The following FSTL5 variants were observed in gnomAD, a reference collection of about 807,000 sequenced individuals.
The protein encoded by FSTL5 is follistatin-related protein 5.
In FSTL5, 62 loss-of-function variants were observed where a neutral mutation model predicts 89.1. That is an observed-to-expected ratio of 0.70 (90% CI 0.57 to 0.86). FSTL5 has a LOEUF of 0.86. FSTL5 is among the 40% of genes least tolerant of loss of function. The probability of loss-of-function intolerance (pLI) is 0.00; values close to 1 mark genes in which losing one functional copy is unlikely to be tolerated. For synonymous variants in FSTL5, 383 were observed against 346.2 expected, an observed-to-expected ratio of 1.11 and a Z score of -1.18; for missense variants, 1,057 against 1,001.6, an observed-to-expected ratio of 1.06 and a Z score of -0.75.
At chr4:161,725,910 C>T (rs183701684) in intron 6 of FSTL5, among the ~76,000 whole-genome samples, 111 of 152,238 alleles carry the variant, frequency 7.3e-4, no homozygotes, top group African/African-American at 2.1e-3. Flanking sequence ...TTACTTTTAA[C>T]GATGAAAGGT....
chr4:161,497,845 T>C (rs781198047), intron 12 of FSTL5, among the ~76,000 whole-genome samples: 5 of 151,676 alleles, frequency 3.3e-5, no homozygotes, highest in Non-Finnish European at 7.4e-5. Flanking sequence ...GGTTCACTGT[T>C]TGAAGAAAAT....
intron 6 of FSTL5, among the ~76,000 whole-genome samples, chr4:161,699,209 C>T (rs865812951): frequency 2.0e-5 from 3 of 152,146 alleles, no homozygotes; most frequent in Admixed American, 6.5e-5. Context: ...TTGAAATTTA[C>T]GGTCATAAAA....
chr4:162,031,652 C>T, intron 3 of FSTL5, among the ~76,000 whole-genome samples: 1 of 152,090 alleles, frequency 6.6e-6, no homozygotes, highest in South Asian at 2.1e-4. Flanking sequence ...AGCCAGGAGT[C>T]TAGGGCCGGG....
intron 15 of FSTL5, among the ~76,000 whole-genome samples, chr4:161,396,419 A>T (rs1485212881): frequency 6.6e-6 from 1 of 151,632 alleles, no homozygotes; most frequent in African/African-American, 2.4e-5. Flanking sequence ...AGGAACTCAG[A>T]TGACCTGAGG....
Position 162,067,642 on chromosome 4 carries a change from C to T in FSTL5, c.127-33984G>A, listed in dbSNP as rs1738963379. 2.0e-5 allele frequency among the ~76,000 whole-genome samples: 3 copies of T among 151,988 alleles called. No homozygotes were observed. The South Asian group carries it at 6.2e-4, about 32-fold the overall frequency. ...TGGAAGCATTCCCCTTAAAAACCAG[C>T]ACAAGACAAAGATGACCTCTCTTAC... On this transcript the variant is annotated intron_variant, in intron 2 of 15. Transcript: ENST00000306100.
At chr4:161,616,038 C>CAA (rs1734854870) in intron 7 of FSTL5, among the ~76,000 whole-genome samples, 1 of 151,830 alleles carries the variant, frequency 6.6e-6, no homozygotes, top group East Asian at 1.9e-4. Context: ...TACAAAAGAG[C>CAA]AACACTTGCT....
At chr4:162,005,118 G>C (rs568817497) in intron 3 of FSTL5, among the ~76,000 whole-genome samples, 3 of 151,962 alleles carry the variant, frequency 2.0e-5, no homozygotes, top group Admixed American at 6.6e-5. Context: ...TATTTCTCTC[G>C]CTCCATTGTG....
At chr4:161,415,041 T>C (rs368433758) in intron 15 of FSTL5, among the ~76,000 whole-genome samples, 1 of 152,202 alleles carries the variant, frequency 6.6e-6, no homozygotes, top group Non-Finnish European at 1.5e-5. Context: ...TGTAGGTGCT[T>C]AGTAAATTAT....
At chr4:161,792,876 A>G (rs1836294) in intron 4 of FSTL5, among the ~76,000 whole-genome samples, 111,751 of 152,094 alleles carry the variant, frequency 0.73, 41,115 homozygotes, top group Admixed American at 0.76. Context: ...GAGCTGTAAC[A>G]CAAACAGGGC....
intron 3 of FSTL5, among the ~76,000 whole-genome samples, chr4:161,985,876 G>A (rs1735950220): frequency 6.6e-6 from 1 of 151,964 alleles, no homozygotes; most frequent in Non-Finnish European, 1.5e-5. Context: ...TATGAAACAG[G>A]CATTGTTTTG....
chr4:162,109,559 CAACTTT>C (rs1356720559), intron 2 of FSTL5, among the ~76,000 whole-genome samples: 1 of 152,112 alleles, frequency 6.6e-6, no homozygotes, highest in Non-Finnish European at 1.5e-5. Context: ...GCTTCTCGAA[CAACTTT>C]AACTCAGTGT....
intron 1 of FSTL5, among the ~76,000 whole-genome samples, chr4:162,162,537 G>A (rs1365669895): frequency 6.6e-6 from 1 of 151,862 alleles, no homozygotes. Flanking sequence ...CCATTTATCA[G>A]GCAAACCATC....
At chr4:161,875,461 C>T (rs1054627033) in intron 4 of FSTL5, among the ~76,000 whole-genome samples, 5 of 152,104 alleles carry the variant, frequency 3.3e-5, no homozygotes, top group Non-Finnish European at 7.3e-5. Flanking sequence ...CTGCTTTCTG[C>T]AACCAATCAG....
chr4:162,145,593 A>T (rs1354166280), intron 1 of FSTL5, among the ~76,000 whole-genome samples: 2 of 152,248 alleles, frequency 1.3e-5, no homozygotes, highest in East Asian at 3.9e-4. Flanking sequence ...GGACATGAGG[A>T]TATTCCATAA....
chr4:161,575,767 C>A (rs1733188325), intron 8 of FSTL5, among the ~76,000 whole-genome samples: 1 of 152,018 alleles, frequency 6.6e-6, no homozygotes, highest in South Asian at 2.1e-4. Flanking sequence ...AGGTTTTCTT[C>A]CAGTGTTTTT....
chr4:161,898,221 ATTTTAT>A (rs936611546), intron 4 of FSTL5, among the ~76,000 whole-genome samples: 2 of 151,076 alleles, frequency 1.3e-5, no homozygotes, highest in Admixed American at 1.3e-4. Flanking sequence ...GTATATTTAT[ATTTTAT>A]TTTAACATTC....
chr4:162,106,055 T>C (rs1330923959), intron 2 of FSTL5, among the ~76,000 whole-genome samples: 2 of 152,146 alleles, frequency 1.3e-5, no homozygotes, highest in Non-Finnish European at 2.9e-5. Flanking sequence ...ATATCGAAAG[T>C]TAAAAAAATC....
At chr4:162,041,374 A>T (rs922224379) in intron 2 of FSTL5, among the ~76,000 whole-genome samples, 1 of 152,154 alleles carries the variant, frequency 6.6e-6, no homozygotes, top group African/African-American at 2.4e-5. Context: ...TGGTTAAGTT[A>T]CTAAATAAGG....
intron 3 of FSTL5, among the ~76,000 whole-genome samples, chr4:161,952,668 T>C (rs1161596921): frequency 1.5e-4 from 23 of 151,924 alleles, no homozygotes; most frequent in Admixed American, 1.5e-3. Context: ...AATACATTAA[T>C]TAAATGCATT....
Sources: allele counts gnomAD v4.1 joint callset (sites outside exome capture counted in the v4.1 genomes callset), GRCh38; gene constraint gnomAD v4.1.1; transcripts MANE v1.5; gene names NCBI Gene and HGNC (gene_info 2026-07-23, HGNC 2026-07-21).